Variants in ARFIP1 observed in about 807,000 individuals in gnomAD.
ARFIP1 encodes arfaptin-1.
Under a neutral mutation model 42.5 loss-of-function variants are expected in ARFIP1, and 24 were observed. That is an observed-to-expected ratio of 0.57 (90% CI 0.41 to 0.80). The LOEUF (loss-of-function observed/expected upper bound fraction) is 0.80. Ranked by LOEUF, ARFIP1 falls within the 30% of genes least tolerant of loss-of-function variation. ARFIP1 has a pLI of 0.00. For missense variants in ARFIP1, 354 were observed against 434.0 expected, an observed-to-expected ratio of 0.82 and a Z score of 1.64; for synonymous variants, 141 against 153.7, an observed-to-expected ratio of 0.92 and a Z score of 0.61.
chr4:152,816,649 A>C (rs1729910924), intron 1 of ARFIP1, among the ~76,000 whole-genome samples: 1 of 152,242 alleles, frequency 6.6e-6, no homozygotes, highest in Non-Finnish European at 1.5e-5. Context: ...CTAGAATGTA[A>C]GCTCTATGAG....
At chr4:152,799,749 T>A (rs183283083) in intron 1 of ARFIP1, among the ~76,000 whole-genome samples, 248 of 152,298 alleles carry the variant, frequency 1.6e-3, no homozygotes, top group African/African-American at 5.7e-3. Flanking sequence ...TGAGAGATGA[T>A]CAGAGGAAGA....
At chr4:152,832,412 T>C (rs1731323301) in intron 2 of ARFIP1, among the ~76,000 whole-genome samples, 1 of 152,204 alleles carries the variant, frequency 6.6e-6, no homozygotes, top group Non-Finnish European at 1.5e-5. Flanking sequence ...CTTTTGCCCG[T>C]TTTTCTACTG....
intron 1 of ARFIP1, among the ~76,000 whole-genome samples, chr4:152,828,438 T>A (rs1731008826): frequency 6.6e-6 from 1 of 152,262 alleles, no homozygotes; most frequent in South Asian, 2.1e-4. Context: ...ATTATTGTTT[T>A]AATTTGCAAT....
intron 1 of ARFIP1, among the ~76,000 whole-genome samples, chr4:152,788,093 C>T (rs184068949): frequency 5.9e-5 from 9 of 152,028 alleles, no homozygotes; most frequent in Admixed American, 2.0e-4. Flanking sequence ...ATTAGCTGGG[C>T]GTGGTGACCT....
chr4:152,879,183 T>TAA (rs560700406), intron 5 of ARFIP1, among the ~76,000 whole-genome samples: 8 of 143,600 alleles, frequency 5.6e-5, no homozygotes, highest in East Asian at 2.0e-4. Flanking sequence ...ACTCTTTTGT[T>TAA]AAAAAAAAAA....
intron 2 of ARFIP1, among the ~76,000 whole-genome samples, chr4:152,834,558 A>G (rs898147589): frequency 6.6e-6 from 1 of 152,236 alleles, no homozygotes; most frequent in Non-Finnish European, 1.5e-5. Context: ...CCCAGCAGGG[A>G]AATCATTAAA....
At chr4:152,872,709 AG>A in intron 5 of ARFIP1, 145 bp downstream of exon 5, 1 of 513,346 alleles carries the variant, frequency 1.9e-6, no homozygotes, top group Non-Finnish European at 3.4e-6. Context: ...TTGAAAATGA[AG>A]TATTTGTTTT....
chr4:152,795,583 A>G (rs75220797), intron 1 of ARFIP1, among the ~76,000 whole-genome samples: 2,423 of 152,196 alleles, frequency 0.016, 60 homozygotes, highest in African/African-American at 0.055. Context: ...TTAAGTGTAT[A>G]TGTCATTTTG....
intron 2 of ARFIP1, among the ~76,000 whole-genome samples, chr4:152,847,165 C>G (rs1200815502): frequency 1.5e-5 from 1 of 66,640 alleles, no homozygotes; most frequent in African/African-American, 5.0e-5. Context: ...GAGTCTCACT[C>G]TGTCGCCCCC....
intron 2 of ARFIP1, among the ~76,000 whole-genome samples, chr4:152,846,530 T>C (rs935740767): frequency 5.9e-5 from 9 of 152,204 alleles, no homozygotes; most frequent in African/African-American, 2.2e-4. Flanking sequence ...TCCCTCAAGA[T>C]CTTTTAAGCA....
intron 8 of ARFIP1, among the ~76,000 whole-genome samples, chr4:152,888,604 G>A (rs935143554): frequency 6.6e-6 from 1 of 152,258 alleles, no homozygotes; most frequent in South Asian, 2.1e-4. Flanking sequence ...TTGAAATAAT[G>A]ATAGATTATG....
Position 152,910,864 on chromosome 4 carries a change from T to A in ARFIP1, c.*645T>A, listed in dbSNP as rs1738794454. The stretch of plus-strand genomic sequence containing the variant: ...CACACTGTCATTTCTGTGAGGCTTT[T>A]AAGCTTATGAATTTGCTTCACCCGA... On this transcript the variant is annotated 3_prime_UTR_variant, in exon 9 of 9. Coordinates refer to ENST00000353617, the MANE Select transcript of ARFIP1 (RefSeq NM_001025595.3). 1 of 152,416 alleles carries A rather than the reference T, an allele frequency of 6.6e-6. No individual in the cohort carries two copies. 9.4% of individuals were successfully genotyped at this position (152,416 alleles called of 1,614,324 possible). A position where few individuals can be genotyped will look rare whatever the true frequency, so the allele number is the denominator to read the frequency against.
At chr4:152,786,616 G>A (rs143328477) in intron 1 of ARFIP1, among the ~76,000 whole-genome samples, 157 of 152,192 alleles carry the variant, frequency 1.0e-3, no homozygotes, top group Non-Finnish European at 1.8e-3. Flanking sequence ...TACCCATCTT[G>A]AAGGCACAGT....
chr4:152,830,133 A>G lies in ARFIP1; in HGVS notation c.93+407A>G, dbSNP rs531827073. On this transcript the variant is annotated intron_variant, in intron 2 of 8. Transcript: ENST00000353617. Reference sequence around the variant, plus strand: ...TTTGCTGTTCATTTTCTAAAGTGCCATACTTGACTCAGTGGAAAATGATAC... The same window carrying G: ...TTTGCTGTTCATTTTCTAAAGTGCCGTACTTGACTCAGTGGAAAATGATAC... Among the ~76,000 whole-genome samples the G allele has an allele frequency of 4.6e-5, 7 of 152,300 alleles. No individual in the cohort carries two copies. In the East Asian group the frequency reaches 9.6e-4, roughly 21 times the overall value.
At chr4:152,872,355 A>C in intron 4 of ARFIP1, 97 bp from the exon 5 acceptor site, 2 of 761,100 alleles carry the variant, frequency 2.6e-6, no homozygotes, top group South Asian at 3.5e-5. Context: ...CTTTTTTTAG[A>C]TGCATAAGAA....
intron 1 of ARFIP1, among the ~76,000 whole-genome samples, chr4:152,803,914 A>G (rs1215291545): frequency 6.7e-6 from 1 of 148,942 alleles, no homozygotes; most frequent in East Asian, 1.9e-4. Context: ...AGTTGTCAAC[A>G]TCAAGAAAGC....
In ARFIP1 at chr4:152,883,113, A is replaced by G. The variant is rs1579003047; in HGVS notation, c.791+233A>G. 2.2e-5 allele frequency: 10 copies of G among 446,150 alleles called. No homozygotes were observed. In the East Asian group the frequency reaches 4.3e-4, roughly 19 times the overall value. 27.6% of individuals were successfully genotyped at this position (446,150 alleles called of 1,614,324 possible). On this transcript the variant is annotated intron_variant, in intron 7 of 8. Transcript: ENST00000353617. Reference sequence around the variant, plus strand: ...TCAGAAGAATCTAATTAGAACCCCTATGCTGGGTGCCTCTAGTACTTGATG... The same window carrying G: ...TCAGAAGAATCTAATTAGAACCCCTGTGCTGGGTGCCTCTAGTACTTGATG...
At chr4:152,867,484 T>C (rs1187876264) in intron 3 of ARFIP1, among the ~76,000 whole-genome samples, 1 of 150,000 alleles carries the variant, frequency 6.7e-6, no homozygotes, top group African/African-American at 2.5e-5. Context: ...AGGGAGACCG[T>C]GGAAAGAGAG....
intron 8 of ARFIP1, among the ~76,000 whole-genome samples, chr4:152,889,804 ATATAC>A (rs1736654204): frequency 8.8e-6 from 1 of 113,416 alleles, no homozygotes; most frequent in South Asian, 2.8e-4. Context: ...ATACTATACT[ATATAC>A]TATATATATA....
Sources: gnomAD v4.1 joint callset for allele counts (sites outside exome capture counted in the v4.1 genomes callset) on GRCh38, gnomAD v4.1.1 for gene constraint, MANE v1.5 for transcripts, NCBI Gene and HGNC (gene_info 2026-07-23, HGNC 2026-07-21) for gene names.